The following ABCG4 variants were observed in gnomAD, a reference collection of about 807,000 sequenced individuals.
ABCG4 encodes ATP-binding cassette sub-family G member 4.
In ABCG4, 35 loss-of-function variants were observed where a neutral mutation model predicts 64.6. The observed-to-expected ratio is 0.54, with a 90% confidence interval of 0.41 to 0.72. The LOEUF is 0.72. ABCG4 is among the 30% of genes least tolerant of loss of function. ABCG4 has a pLI of 0.00. For missense variants in ABCG4, 610 were observed against 846.3 expected (o/e 0.72, Z 3.46); for synonymous variants, 326 against 348.2 (o/e 0.94, Z 0.71).
intron 12 of ABCG4, among the ~76,000 whole-genome samples, chr11:119,159,332 C>A (rs1197840783): frequency 1.3e-5 from 2 of 152,106 alleles, no homozygotes; most frequent in Admixed American, 6.5e-5. Flanking sequence ...ACTAAAAATA[C>A]AAAAATTAAC....
Position 119,155,049 on chromosome 11 carries a change from TC to T in ABCG4, c.686+135del, listed in dbSNP as rs1196656923. 5 of 1,278,676 alleles carry T rather than the reference TC, an allele frequency of 3.9e-6. No homozygotes were observed. In the African/African-American group the frequency reaches 7.4e-5, roughly 19 times the overall value. The allele number at this position is 1,278,676 out of a possible 1,614,324, so 79.2% of individuals were successfully genotyped here. ...TGGGGCCAAGATAAGGGCTTCTTCC[TC>T]ATCTCCACCCTTGCCAATTCTGTTG... is the stretch of plus-strand genomic sequence containing the variant. On this transcript the variant is annotated intron_variant, in intron 6 of 14. Transcript: ENST00000619701. This position sits in a 1 kb window ranked among gnomAD's most constrained non-coding sequence, Gnocchi z 4.5.
chr11:119,159,832 C>T (rs1399031747), intron 12 of ABCG4, among the ~76,000 whole-genome samples: 2 of 152,058 alleles, frequency 1.3e-5, no homozygotes, highest in African/African-American at 4.8e-5. Context: ...CAGTGGATGA[C>T]TGTACTTAGT....
chr11:119,156,262 C>T lies in ABCG4; in HGVS notation c.687-67C>T. ...ATCCCCTTCACAGCAGCTGCCCCGC[C>T]CCAGACACTCCCTTCTTTTGGCCTC... On this transcript the variant is annotated intron_variant, in intron 6 of 14. Transcript: ENST00000619701. The surrounding 1 kb of genome is among the most constrained non-coding windows in gnomAD (Gnocchi z 5.5). The T allele has an allele frequency of 6.2e-7, 1 of 1,608,422 alleles. No individual in the cohort carries two copies. The highest frequency in any genetic ancestry group is 1.7e-4 in the Middle Eastern group (1 of 5,906).
In ABCG4 at chr11:119,162,493, T is replaced by C. The variant is rs946829930; in HGVS notation, c.*1387T>C. On this transcript the variant is annotated 3_prime_UTR_variant, in exon 15 of 15. Coordinates refer to ENST00000619701, the MANE Select transcript of ABCG4 (RefSeq NM_022169.5). Reference sequence around the variant, plus strand: ...CCTGGTGGGTCCAGGCTCATTCTGCTTCTGATTTCCCCTCCCCCAGGGCTC... The same window carrying C: ...CCTGGTGGGTCCAGGCTCATTCTGCCTCTGATTTCCCCTCCCCCAGGGCTC... 6.6e-6 allele frequency: 1 copy of C among 152,460 alleles called. No homozygotes were observed. The highest frequency in any genetic ancestry group is 1.5e-5 in the Non-Finnish European group (1 of 68,088). The allele number at this position is 152,460 out of a possible 1,614,324, so 9.4% of individuals were successfully genotyped here.
At position 119,161,105 on chromosome 11, in the gene ABCG4, A is replaced by C; in HGVS notation, c.1940A>C (p.Ter647SerextTer27). The C allele has an allele frequency of 6.2e-7, 1 of 1,612,678 alleles. No homozygotes were observed. The highest frequency in any genetic ancestry group is 8.5e-7 in the Non-Finnish European group (1 of 1,179,378). Residue 647 changes from the stop codon to serine (S), a stop_lost, in exon 15 of 15, where the codon TAG becomes TCG. Transcript: ENST00000619701. ...VLRYRVKSER[*>S] The stretch of plus-strand genomic sequence containing the variant: ...CGTTACCGGGTCAAGTCAGAGAGAT[A>C]GAGGCTTGCCCCAGCCTGTACCCCA...
rs1948176445 is a variant in ABCG4, at chr11:119,150,168, A to G, written c.203A>G (p.Tyr68Cys). 6 of 1,613,914 alleles carry G rather than the reference A, an allele frequency of 3.7e-6. No individual in the cohort carries two copies. The African/African-American group carries it at 4.0e-5, about 11-fold the overall frequency. ...GACATCGAGTTCGTGGAGCTGTCCT[A>G]TTCCGTGCGGGAGGGGCCCTGCTGG... ...AVDIEFVELS[Y>C]SVREGPCWRK... Residue 68 changes from tyrosine to cysteine, a missense_variant, in exon 2 of 15, where the codon TAT (tyrosine) becomes TGT (cysteine). Transcript: ENST00000619701. The surrounding 1 kb of genome is among the most constrained non-coding windows in gnomAD (Gnocchi z 4.3).
chr11:119,152,962 C>T (rs1253535651), intron 2 of ABCG4: 1 of 148,326 alleles, frequency 6.7e-6, no homozygotes, highest in Non-Finnish European at 1.5e-5. Context: ...TTCTGTCTTA[C>T]TTAGACTATG....
Position 119,154,819 on chromosome 11 carries a change from G to T in ABCG4, c.590G>T (p.Arg197Met), listed in dbSNP as rs768734717. 6.2e-7 allele frequency: 1 copy of T among 1,613,984 alleles called. No individual in the cohort carries two copies. Among genetic ancestry groups the T allele is most frequent in the South Asian group, 1.1e-5 (1 of 91,084 alleles). Residue 197 changes from arginine to methionine, a missense_variant, in exon 6 of 15, where the codon AGG (arginine) becomes ATG (methionine). Transcript: ENST00000619701. The surrounding 1 kb of genome is among the most constrained non-coding windows in gnomAD (Gnocchi z 7.0). ...ALGLMSCSHT[R>M]TALLSGGQRK... ...GGCCTGATGTCGTGCTCCCACACGA[G>T]GACAGCCCTGCTCTCTGGCGGGCAG...
In ABCG4 at chr11:119,153,838, G is replaced by A. The variant is rs577816890; in HGVS notation, c.239-188G>A. ...TGGTACTTTGATATTAGTGGTGGTC[G>A]TTTCTAGGGGGACGGGATGAGAGGG... On this transcript the variant is annotated intron_variant, in intron 2 of 14. Coordinates refer to ENST00000619701, the MANE Select transcript of ABCG4 (RefSeq NM_022169.5). 1.9e-4 allele frequency: 119 copies of A among 612,458 alleles called. 2 individuals carry two copies. Among genetic ancestry groups the A allele is most frequent in the Admixed American group, 8.6e-4 (30 of 34,922 alleles). 37.9% of individuals were successfully genotyped at this position (612,458 alleles called of 1,614,324 possible).
Position 119,161,218 on chromosome 11 carries a change from C to A in ABCG4, c.*112C>A. On this transcript the variant is annotated 3_prime_UTR_variant, in exon 15 of 15. Coordinates refer to ENST00000619701, the MANE Select transcript of ABCG4 (RefSeq NM_022169.5). Reference sequence around the variant, plus strand: ...GGCACTGGTTCCTGGCGGGGCTATCCTCTCCTCCCTTGGCTCCTCCACAGG... The same window carrying A: ...GGCACTGGTTCCTGGCGGGGCTATCATCTCCTCCCTTGGCTCCTCCACAGG... The A allele has an allele frequency of 1.0e-6, 1 of 1,005,002 alleles. No individual in the cohort carries two copies. The highest frequency in any genetic ancestry group is 1.4e-6 in the Non-Finnish European group (1 of 700,684). The allele number at this position is 1,005,002 out of a possible 1,614,324, so 62.3% of individuals were successfully genotyped here. A position where few individuals can be genotyped will look rare whatever the true frequency, so the allele number is the denominator to read the frequency against.
In ABCG4 at chr11:119,149,830, A is replaced by G; in HGVS notation, c.-12-124A>G. Reference sequence around the variant, plus strand: ...GGGGGCGGGGGCAGAGTGCGGGGCTAACAGTCGCGGATCTGCCCCGAGAAG... The same window carrying G: ...GGGGGCGGGGGCAGAGTGCGGGGCTGACAGTCGCGGATCTGCCCCGAGAAG... On this transcript the variant is annotated intron_variant, in intron 1 of 14. Transcript: ENST00000619701. The surrounding 1 kb of genome is among the most constrained non-coding windows in gnomAD (Gnocchi z 8.3). The G allele has an allele frequency of 7.2e-7, 1 of 1,391,148 alleles. No homozygotes were observed. The highest frequency in any genetic ancestry group is 9.5e-7 in the Non-Finnish European group (1 of 1,051,120). 86.2% of individuals were successfully genotyped at this position (1,391,148 alleles called of 1,614,324 possible). A position where few individuals can be genotyped will look rare whatever the true frequency, so the allele number is the denominator to read the frequency against.
chr11:119,157,014 G>A lies in ABCG4; in HGVS notation c.1068G>A (p.Pro356=), dbSNP rs139879498. 1,420 of 1,601,886 alleles carry A rather than the reference G, an allele frequency of 8.9e-4. 3 individuals are homozygous for A. Among genetic ancestry groups the A allele is most frequent in the Non-Finnish European group, 9.6e-4 (1,132 of 1,174,304 alleles). Residue 356 remains proline (P), a splice_region_variant and synonymous_variant, in exon 9 of 15, where the codon CCG becomes CCA. Coordinates refer to ENST00000619701, the MANE Select transcript of ABCG4 (RefSeq NM_022169.5). ...EVPAPCPPCP[P]EVDPIESHTF... is the part of the protein sequence containing the mutation. ...CTGCCCCATGCCCTCCTTGTCCTCC[G>A]GTGAGTAGGGGTGGAGAGGGCAGAG...
At position 119,154,870 on chromosome 11, in the gene ABCG4, A is replaced by G. The variant is rs758779632; in HGVS notation, c.641A>G (p.Glu214Gly). 1 of 1,613,854 alleles carries G rather than the reference A, an allele frequency of 6.2e-7. No individual in the cohort carries two copies. The highest frequency in any genetic ancestry group is 8.5e-7 in the Non-Finnish European group (1 of 1,179,756). ...AGGAAGCGTCTGGCCATCGCCCTGG[A>G]GCTGGTCAACAACCCGCCTGTCATG... ...GQRKRLAIALELVNNPPVMFF... is the reference protein window; with the variant it reads ...GQRKRLAIALGLVNNPPVMFF... The change falls in exon 6 of 15, where the codon GAG becomes GGG. Residue 214 changes from glutamate (E) to glycine (G), a missense_variant. Physicochemically the swap from Glu to Gly is moderately conservative, Grantham distance 98. Coordinates refer to ENST00000619701, the MANE Select transcript of ABCG4 (RefSeq NM_022169.5). The surrounding 1 kb of genome is among the most constrained non-coding windows in gnomAD (Gnocchi z 7.0).
chr11:119,160,657 GTC>G lies in ABCG4; in HGVS notation c.1715+2_1715+3del. The stretch of plus-strand genomic sequence containing the variant: ...GGAGCTCCTATCTCTCCTATGTCAG[GTC>G]AGTACCCCTGCCCTCCTCGTTGGCC... On this transcript the variant is annotated splice_donor_variant and splice_donor_region_variant and intron_variant, in intron 14 of 14. Coordinates refer to ENST00000619701, the MANE Select transcript of ABCG4 (RefSeq NM_022169.5). LOFTEE classifies it high-confidence loss of function. This position sits in a 1 kb window ranked among gnomAD's most constrained non-coding sequence, Gnocchi z 4.6. The G allele has an allele frequency of 1.9e-6, 3 of 1,612,538 alleles. No individual in the cohort carries two copies. Among genetic ancestry groups the G allele is most frequent in the Non-Finnish European group, 2.5e-6 (3 of 1,178,784 alleles).
In ABCG4 at chr11:119,154,960, G is replaced by C; in HGVS notation, c.686+45G>C. On this transcript the variant is annotated intron_variant, in intron 6 of 14. Transcript: ENST00000619701. This position sits in a 1 kb window ranked among gnomAD's most constrained non-coding sequence, Gnocchi z 7.0. ...CCCACCAGGATACCCCTCTCCTCTC[G>C]GCCCTGAGCCAGGGCTGGAGGCTGC... 6.4e-7 allele frequency: 1 copy of C among 1,571,882 alleles called. No homozygotes were observed. Among genetic ancestry groups the C allele is most frequent in the Non-Finnish European group, 8.7e-7 (1 of 1,152,052 alleles).
intron 9 of ABCG4, 150 bp downstream of exon 9, chr11:119,157,164 A>G: frequency 1.9e-6 from 2 of 1,058,728 alleles, no homozygotes; most frequent in Non-Finnish European, 2.6e-6. Context: ...ACCTACTAGG[A>G]ACAGCACTGT....
Position 119,154,014 on chromosome 11 carries a change from A to G in ABCG4, c.239-12A>G. On this transcript the variant is annotated splice_polypyrimidine_tract_variant and intron_variant, in intron 2 of 14. Coordinates refer to ENST00000619701, the MANE Select transcript of ABCG4 (RefSeq NM_022169.5). The surrounding 1 kb of genome is among the most constrained non-coding windows in gnomAD (Gnocchi z 7.0). Reference sequence around the variant, plus strand: ...GCAGCCTGACTAAAAATTCCTCCCCACCTCACTGCAGGTTATAAGACCCTT... The same window carrying G: ...GCAGCCTGACTAAAAATTCCTCCCCGCCTCACTGCAGGTTATAAGACCCTT... 6.2e-7 allele frequency: 1 copy of G among 1,612,686 alleles called. No homozygotes were observed. The highest frequency in any genetic ancestry group is 8.5e-7 in the Non-Finnish European group (1 of 1,178,834).
In ABCG4 at chr11:119,158,807, C is replaced by A. The variant is rs767885535; in HGVS notation, c.1337-22C>A. The A allele has an allele frequency of 1.2e-6, 2 of 1,614,026 alleles. No homozygotes were observed. Among genetic ancestry groups the A allele is most frequent in the Admixed American group, 1.7e-5 (1 of 60,018 alleles). On this transcript the variant is annotated intron_variant, in intron 11 of 14. Transcript: ENST00000619701. The surrounding 1 kb of genome is among the most constrained non-coding windows in gnomAD (Gnocchi z 4.5). ...GGGGCCAGGGTGTCGGCCGGGTGTG[C>A]CTAAGCAGCCTGTGTCCTCAGTCCC... is the stretch of plus-strand genomic sequence containing the variant.
In ABCG4 at chr11:119,160,272, G is replaced by A. The variant is rs1443695664; in HGVS notation, c.1483G>A (p.Gly495Ser). 6.2e-7 allele frequency: 1 copy of A among 1,613,712 alleles called. No individual in the cohort carries two copies. Among genetic ancestry groups the A allele is most frequent in the South Asian group, 1.1e-5 (1 of 91,066 alleles). Residue 495 changes from glycine to serine, a missense_variant, in exon 13 of 15, where the codon GGC (glycine) becomes AGC (serine). Gly to Ser is a moderately conservative substitution (Grantham distance 56). Transcript: ENST00000619701. This position sits in a 1 kb window ranked among gnomAD's most constrained non-coding sequence, Gnocchi z 4.6. Reference protein sequence around the residue: ...VYCSIVYWMTGQPAETSRFLL... With the variant: ...VYCSIVYWMTSQPAETSRFLL... ...CTGCAGCATTGTGTACTGGATGACGGGCCAGCCCGCTGAGACCAGCCGCTT... is the reference window on the plus strand; with the variant it reads ...CTGCAGCATTGTGTACTGGATGACGAGCCAGCCCGCTGAGACCAGCCGCTT...
Sources: allele counts gnomAD v4.1 joint callset (sites outside exome capture counted in the v4.1 genomes callset), GRCh38; gene constraint gnomAD v4.1.1; non-coding constraint Gnocchi (gnomAD v3.1); transcripts MANE v1.5; gene names NCBI Gene and HGNC (gene_info 2026-07-23, HGNC 2026-07-21).